JMJD1C: variants seen among roughly 807,000 people sequenced by gnomAD.
JMJD1C encodes the protein jumonji domain containing 1C.
Under a neutral mutation model 245.3 loss-of-function variants are expected in JMJD1C, and 31 were observed. The ratio of observed to expected loss-of-function variants is 0.13; its 90% CI spans 0.09 to 0.17. JMJD1C has a LOEUF of 0.17. JMJD1C is among the 10% of genes least tolerant of loss of function. The pLI, the probability that JMJD1C is intolerant of heterozygous loss-of-function variation, is 1.00. For synonymous variants in JMJD1C, 1,057 were observed against 1,017.4 expected (o/e 1.04, Z -0.74); for missense variants, 2,691 against 3,000.2 (o/e 0.90, Z 2.41).
chr10:63,186,031 T>G (rs1844092221), intron 19 of JMJD1C, among the ~76,000 whole-genome samples, 184 bp downstream of exon 19: 1 of 152,206 alleles, frequency 6.6e-6, no homozygotes, highest in South Asian at 2.1e-4. Context: ...ATCTTTAAGG[T>G]CAAAGGAAAT....
chr10:63,199,390 T>C (rs1195822745), intron 11 of JMJD1C, among the ~76,000 whole-genome samples: 1 of 152,136 alleles, frequency 6.6e-6, no homozygotes, highest in East Asian at 1.9e-4. Context: ...TACTCTCAAA[T>C]AGCTGATGTC....
In JMJD1C at chr10:63,465,758, G is replaced by T. The variant is rs768927664; in HGVS notation, c.-96C>A. 3.5e-6 allele frequency: 5 copies of T among 1,420,620 alleles called. No homozygotes were observed. In the African/African-American group the frequency reaches 5.6e-5, roughly 16 times the overall value. The allele number at this position is 1,420,620 out of a possible 1,614,324, so 88.0% of individuals were successfully genotyped here. On this transcript the variant is annotated 5_prime_UTR_variant, in exon 1 of 26. Coordinates refer to ENST00000399262, the MANE Select transcript of JMJD1C (RefSeq NM_032776.3). ...CCGCTCATGCTGAGGAGAGCGGACCGGGACACAGCAGCGGACCCGAAAGAG... is the reference window on the plus strand; with the variant it reads ...CCGCTCATGCTGAGGAGAGCGGACCTGGACACAGCAGCGGACCCGAAAGAG...
rs1281410163 is a variant in JMJD1C at position 63,208,268 on chromosome 10, T to G, written c.3401A>C (p.Gln1134Pro). Residue 1134 changes from glutamine to proline, a missense_variant, in exon 10 of 26, where the codon CAA becomes CCA. By Grantham distance (76) the Gln-to-Pro change is moderately conservative. Transcript: ENST00000399262. ...NALAAAAANPQTLTSFITSLS... is the reference protein window; with the variant it reads ...NALAAAAANPPTLTSFITSLS... ...AGATGTTATAAATGAAGTCAGAGTTTGAGGATTAGCTGCTGCCGCTGCAAG... is the reference window on the plus strand; with the variant it reads ...AGATGTTATAAATGAAGTCAGAGTTGGAGGATTAGCTGCTGCCGCTGCAAG... 10 of 1,613,956 alleles carry G rather than the reference T, an allele frequency of 6.2e-6. No individual in the cohort carries two copies. The highest frequency in any genetic ancestry group is 1.3e-5 in the African/African-American group (1 of 74,900).
At chr10:63,467,058 A>G (rs1953321819), upstream of JMJD1C, among the ~76,000 whole-genome samples, 2 of 152,194 alleles carry the variant, frequency 1.3e-5, no homozygotes, top group Admixed American at 6.5e-5. Context: ...AATGTTTAAA[A>G]TAACTATAAG....
intron 2 of JMJD1C, among the ~76,000 whole-genome samples, chr10:63,275,950 G>A (rs906097878): frequency 6.6e-6 from 1 of 152,184 alleles, no homozygotes; most frequent in African/African-American, 2.4e-5. Flanking sequence ...AAACAGGCAT[G>A]AGTTTATTAA....
At chr10:63,415,037 T>C (rs1949721339) in intron 1 of JMJD1C, among the ~76,000 whole-genome samples, 1 of 152,152 alleles carries the variant, frequency 6.6e-6, no homozygotes, top group African/African-American at 2.4e-5. Flanking sequence ...TTTTGCTTTA[T>C]GTGCTGTGCC....
chr10:63,310,020 A>C (rs1229234610), intron 2 of JMJD1C, among the ~76,000 whole-genome samples: 1 of 152,184 alleles, frequency 6.6e-6, no homozygotes, highest in African/African-American at 2.4e-5. Context: ...GTATTTCTCT[A>C]TATCAGTATT....
At chr10:63,390,081 T>G (rs1441027704) in intron 1 of JMJD1C, among the ~76,000 whole-genome samples, 1 of 151,428 alleles carries the variant, frequency 6.6e-6, no homozygotes, top group African/African-American at 2.4e-5. Context: ...ATACAAAGGA[T>G]CAATGAAATG....
intron 3 of JMJD1C, among the ~76,000 whole-genome samples, chr10:63,238,189 A>AAAAAG (rs1554850613): frequency 7.4e-6 from 1 of 135,710 alleles, no homozygotes; most frequent in Non-Finnish European, 1.6e-5. Context: ...TCAAAAAAAA[A>AAAAAG]AAAAAAGAAA....
At chr10:63,236,520 T>C (rs1850751888) in intron 3 of JMJD1C, among the ~76,000 whole-genome samples, 1 of 152,334 alleles carries the variant, frequency 6.6e-6, no homozygotes, top group South Asian at 2.1e-4. Context: ...AAGCTATTTA[T>C]TGGCATGACT....
At chr10:63,495,599 C>T (rs970989823) in intron 1 of JMJD1C, among the ~76,000 whole-genome samples, 3 of 151,858 alleles carry the variant, frequency 2.0e-5, no homozygotes, top group Admixed American at 6.6e-5. Context: ...TGGTGAAACC[C>T]CCGTCTCTAC....
chr10:63,253,678 G>C (rs556717683), intron 3 of JMJD1C, among the ~76,000 whole-genome samples: 1 of 152,058 alleles, frequency 6.6e-6, no homozygotes, highest in Non-Finnish European at 1.5e-5. Context: ...GAGCCACCGC[G>C]CCCGGCCTCA....
At chr10:63,191,380 C>A (rs1003759660) in intron 16 of JMJD1C, among the ~76,000 whole-genome samples, 3 of 152,108 alleles carry the variant, frequency 2.0e-5, no homozygotes, top group Admixed American at 2.0e-4. Flanking sequence ...ATGATCTGCC[C>A]ACCTTGGCCT....
intron 1 of JMJD1C, among the ~76,000 whole-genome samples, chr10:63,422,648 T>C (rs368108505): frequency 6.6e-6 from 1 of 152,216 alleles, no homozygotes; most frequent in Non-Finnish European, 1.5e-5. Context: ...TTCCAAACTA[T>C]ATGCTACTTT....
At chr10:63,298,973 C>T (rs181983170) in intron 2 of JMJD1C, among the ~76,000 whole-genome samples, 14 of 152,038 alleles carry the variant, frequency 9.2e-5, no homozygotes, top group East Asian at 5.8e-4. Flanking sequence ...TCAGGTGATC[C>T]GCCCACCTCA....
chr10:63,401,892 T>C (rs1465536112), intron 1 of JMJD1C, among the ~76,000 whole-genome samples: 1 of 152,084 alleles, frequency 6.6e-6, no homozygotes, highest in Non-Finnish European at 1.5e-5. Context: ...CCCAACACTT[T>C]GGGAGGCCGA....
At chr10:63,447,705 A>G (rs542577704) in intron 1 of JMJD1C, among the ~76,000 whole-genome samples, 6 of 152,204 alleles carry the variant, frequency 3.9e-5, no homozygotes, top group Admixed American at 3.3e-4. Context: ...AATCAGCAGT[A>G]TAAGTGCATT....
At chr10:63,421,310 G>A (rs1237467622) in intron 1 of JMJD1C, among the ~76,000 whole-genome samples, 1 of 152,112 alleles carries the variant, frequency 6.6e-6, no homozygotes, top group African/African-American at 2.4e-5. Flanking sequence ...CTCCAGCCTG[G>A]GCAAGAAGAG....
At chr10:63,176,232 A>ATTTTTTTTTTTTTTT in intron 24 of JMJD1C, 65 bp downstream of exon 24, 1 of 1,217,694 alleles carries the variant, frequency 8.2e-7, no homozygotes, top group Non-Finnish European at 1.1e-6. Context: ...ACTAAGAGCA[A>ATTTTTTTTTTTTTTT]TTTTTTTTTC....
Sources: allele counts gnomAD v4.1 joint callset (sites outside exome capture counted in the v4.1 genomes callset), GRCh38; gene constraint gnomAD v4.1.1; transcripts MANE v1.5; gene names NCBI Gene and HGNC (gene_info 2026-07-23, HGNC 2026-07-21).